The following SMIM35 variants were observed in gnomAD, a reference collection of about 807,000 sequenced individuals.
SMIM35 encodes TMPRSS4 antisense RNA 1 (non-protein coding).
chr11:118,044,372 G>C (rs963762557), intron 1 of SMIM35, among the ~76,000 whole-genome samples: 1 of 150,314 alleles, frequency 6.7e-6, no homozygotes, highest in African/African-American at 2.4e-5. Context: ...TGAAGGTAAT[G>C]GTGGCATTAT....
chr11:118,039,991 G>A (rs867745600), intron 1 of SMIM35, among the ~76,000 whole-genome samples: 11 of 147,418 alleles, frequency 7.5e-5, no homozygotes, highest in Admixed American at 5.5e-4. Context: ...GTTGCAGTGA[G>A]CTGAGATTGC....
At chr11:118,078,532 C>G (rs1944872120) in intron 1 of SMIM35, among the ~76,000 whole-genome samples, 1 of 152,216 alleles carries the variant, frequency 6.6e-6, no homozygotes, top group African/African-American at 2.4e-5. Context: ...GAGCCAGGAT[C>G]AAAGCACAAG....
intron 1 of SMIM35, among the ~76,000 whole-genome samples, chr11:118,039,188 G>T (rs1327588631): frequency 6.6e-6 from 1 of 152,176 alleles, no homozygotes; most frequent in African/African-American, 2.4e-5. Flanking sequence ...AAGACCAACT[G>T]GGAGGCAAGA....
intron 1 of SMIM35, among the ~76,000 whole-genome samples, chr11:118,068,333 A>T (rs1944516537): frequency 6.6e-6 from 1 of 151,712 alleles, no homozygotes; most frequent in Admixed American, 6.6e-5. Context: ...TCGGGGAGGG[A>T]GCCCTCCGGC....
chr11:118,020,932 C>A (rs142567604), intron 1 of SMIM35, among the ~76,000 whole-genome samples: 1 of 152,052 alleles, frequency 6.6e-6, no homozygotes, highest in Admixed American at 6.6e-5. Flanking sequence ...AGACTTGATA[C>A]GTAATATTTT....
chr11:118,067,866 T>A (rs924146789), intron 1 of SMIM35, among the ~76,000 whole-genome samples: 1 of 37,996 alleles, frequency 2.6e-5, no homozygotes, highest in African/African-American at 8.2e-5. Flanking sequence ...CAAACATATA[T>A]ATATATATAT....
intron 1 of SMIM35, among the ~76,000 whole-genome samples, chr11:118,060,084 C>G (rs1944373053): frequency 6.6e-6 from 1 of 152,172 alleles, no homozygotes; most frequent in Admixed American, 6.5e-5. Flanking sequence ...TGCCAGGAGG[C>G]AGCCAGGGCT....
intron 1 of SMIM35, among the ~76,000 whole-genome samples, chr11:118,084,875 G>A (rs891206292): frequency 1.3e-5 from 2 of 152,300 alleles, no homozygotes; most frequent in East Asian, 3.9e-4. Flanking sequence ...AGGCAGAGCT[G>A]GATTCAGGCC....
At chr11:118,019,471 G>A (rs974148549) in intron 1 of SMIM35, among the ~76,000 whole-genome samples, 2 of 152,194 alleles carry the variant, frequency 1.3e-5, no homozygotes, top group South Asian at 2.1e-4. Flanking sequence ...TAGAATTTAC[G>A]GACAAAATAC....
At chr11:118,034,033 C>T (rs1310692063) in intron 1 of SMIM35, among the ~76,000 whole-genome samples, 1 of 152,114 alleles carries the variant, frequency 6.6e-6, no homozygotes. Context: ...TTTGGGAGGC[C>T]GAGGCGGGCA....
At chr11:118,036,361 C>G (rs925032311) in intron 1 of SMIM35, among the ~76,000 whole-genome samples, 1 of 152,136 alleles carries the variant, frequency 6.6e-6, no homozygotes, top group African/African-American at 2.4e-5. Flanking sequence ...GTTTGTTAAA[C>G]TTTTAATTAA....
At chr11:118,081,687 C>T (rs1945152779) in intron 1 of SMIM35, among the ~76,000 whole-genome samples, 2 of 152,232 alleles carry the variant, frequency 1.3e-5, no homozygotes, top group South Asian at 2.1e-4. Flanking sequence ...CCCGCTGGTG[C>T]GGTTGAGCCA....
intron 1 of SMIM35, among the ~76,000 whole-genome samples, 199 bp from the exon 2 acceptor site, chr11:118,016,008 G>A (rs565568104): frequency 6.6e-6 from 1 of 152,344 alleles, no homozygotes; most frequent in Admixed American, 6.5e-5. Context: ...GAGCCTATCG[G>A]TATTTGGAGC....
chr11:118,077,441 A>C, intron 1 of SMIM35: 1 of 1,037,434 alleles, frequency 9.6e-7, no homozygotes, highest in Non-Finnish European at 1.4e-6. Context: ...CCACACCCAA[A>C]TCCCCTCACA....
At position 118,062,467 on chromosome 11, in the gene SMIM35, C is replaced by T. The variant is rs569365566; in HGVS notation, c.7+24284G>A. Among the ~76,000 whole-genome samples, 22 of 152,334 alleles carry T rather than the reference C, an allele frequency of 1.4e-4. No individual in the cohort carries two copies. In the South Asian group the frequency reaches 2.3e-3, roughly 16 times the overall value. On this transcript the variant is annotated intron_variant, in intron 1 of 4. Transcript: ENST00000689828. ...CAGGCCCTGCTGGAAGGCTCCTTCC[C>T]GGCCAAAGCAAAGGTGACAACTGCC...
intron 1 of SMIM35, among the ~76,000 whole-genome samples, chr11:118,050,343 G>A (rs978211348): frequency 2.6e-5 from 4 of 152,216 alleles, no homozygotes; most frequent in African/African-American, 4.8e-5. Context: ...TAAAGACGGG[G>A]TGCCAGCTGG....
At chr11:118,027,557 A>G (rs749514612) in intron 1 of SMIM35, among the ~76,000 whole-genome samples, 21 of 152,326 alleles carry the variant, frequency 1.4e-4, no homozygotes, top group Non-Finnish European at 3.1e-4. Flanking sequence ...TAAAACAATT[A>G]TACAGAAATA....
chr11:118,048,946 C>CAAAAAAAAAAAAAAAAAAAAAAAA lies in SMIM35; in HGVS notation c.8-33138_8-33137insTTTTTTTTTTTTTTTTTTTTTTTT, dbSNP rs57261529. ...GCCTATCGCCTAGGCTGAAGAGCTGCAAAAAAAAAAAAAAAAAAGCAAGTG... is the reference window on the plus strand; with the variant it reads ...GCCTATCGCCTAGGCTGAAGAGCTGCAAAAAAAAAAAAAAAAAAAAAAAAAAAAAAAAAAAAAAAAAAGCAAGTG... On this transcript the variant is annotated intron_variant, in intron 1 of 4. Coordinates refer to ENST00000689828, the MANE Select transcript of SMIM35 (RefSeq NM_001394165.1). 3.5e-4 allele frequency among the ~76,000 whole-genome samples: 21 copies of CAAAAAAAAAAAAAAAAAAAAAAAA among 60,490 alleles called. 1 individual carries two copies. The highest frequency in any genetic ancestry group is 4.9e-4 in the Non-Finnish European group (16 of 32,838). The allele number at this position is 60,490 out of a possible 152,430, so 39.7% of individuals were successfully genotyped here.
At chr11:118,032,760 T>C (rs1046170330) in intron 1 of SMIM35, among the ~76,000 whole-genome samples, 2 of 151,926 alleles carry the variant, frequency 1.3e-5, no homozygotes, top group African/African-American at 4.8e-5. Context: ...ATACAAAAAT[T>C]ATCCAGGCGT....
Sources: gnomAD v4.1 joint callset for allele counts (sites outside exome capture counted in the v4.1 genomes callset) on GRCh38, gnomAD v4.1.1 for gene constraint, MANE v1.5 for transcripts, NCBI Gene and HGNC (gene_info 2026-07-23, HGNC 2026-07-21) for gene names.